PCMTD2: variants seen among roughly 807,000 people sequenced by gnomAD.
PCMTD2 encodes the protein protein-L-isoaspartate (D-aspartate) O-methyltransferase domain containing 2, also known as protein-L-isoaspartate O-methyltransferase domain-containing protein 2.
PCMTD2 carries 16 observed loss-of-function variants against 33.4 expected under a neutral mutation model. That is an observed-to-expected ratio of 0.48 (90% confidence interval 0.32 to 0.73). PCMTD2 has a LOEUF of 0.73. Ranked by LOEUF, PCMTD2 falls within the 30% of genes least tolerant of loss-of-function variation. PCMTD2 has a pLI of 0.03. For missense variants in PCMTD2, 374 were observed against 449.9 expected, an observed-to-expected ratio of 0.83 and a Z score of 1.53; for synonymous variants, 161 against 160.8, an observed-to-expected ratio of 1.00 and a Z score of -0.01.
chr20:64,265,341 G>T lies in PCMTD2; in HGVS notation c.494G>T (p.Cys165Phe), dbSNP rs775277085. ...TGTTCTCAGTATGATCGTGTATACT[G>T]TGGGGCTGGCGTGCAGAAAGAGCAT... The part of the protein sequence containing the change: ...PDCSQYDRVY[C>F]GAGVQKEHEE... The change falls in exon 4 of 6, where the codon TGT (cysteine) becomes TTT (phenylalanine). Residue 165 changes from cysteine to phenylalanine, a missense_variant. Coordinates refer to ENST00000308824, the MANE Select transcript of PCMTD2 (RefSeq NM_018257.3). 6.2e-7 allele frequency: 1 copy of T among 1,613,506 alleles called. No individual in the cohort carries two copies. Among genetic ancestry groups the T allele is most frequent in the South Asian group, 1.1e-5 (1 of 91,048 alleles).
chr20:64,269,570 T>C (rs1568736527), intron 5 of PCMTD2, among the ~76,000 whole-genome samples: 3 of 152,190 alleles, frequency 2.0e-5, no homozygotes, highest in Non-Finnish European at 4.4e-5. Context: ...AGTAAATTCA[T>C]GTTGGTAAAG....
intron 4 of PCMTD2, 35 bp downstream of exon 4, chr20:64,265,464 C>T (rs1329870248): frequency 6.5e-7 from 1 of 1,538,416 alleles, no homozygotes; most frequent in East Asian, 2.2e-5. Flanking sequence ...TTTCTGCACA[C>T]TGTGTGCCAA....
At chr20:64,260,523 G>A (rs1173761753) in intron 2 of PCMTD2, among the ~76,000 whole-genome samples, 3 of 152,126 alleles carry the variant, frequency 2.0e-5, no homozygotes. Context: ...TGCTGCCACA[G>A]CCTGTACTGC....
intron 5 of PCMTD2, among the ~76,000 whole-genome samples, chr20:64,270,116 G>T (rs1985843177): frequency 6.7e-6 from 1 of 149,384 alleles, no homozygotes; most frequent in African/African-American, 2.5e-5. Context: ...CACGGTATGG[G>T]GTCGTGTGAG....
Position 64,273,528 on chromosome 20 carries a change from A to G in PCMTD2, c.1014A>G (p.Leu338=), listed in dbSNP as rs542450173. The G allele has an allele frequency of 1.6e-5, 26 of 1,579,642 alleles. No homozygotes were observed. The South Asian group carries it at 2.4e-4, about 14-fold the overall frequency. Residue 338 remains leucine, a synonymous_variant, in exon 6 of 6, where the codon CTA becomes CTG. Transcript: ENST00000308824. ...AGCCAGACCCCCCAGTGAACTTCCT[A>G]CGCCAGAAGGTCCTGAGCCTCCCTC... ...ETKPDPPVNF[L]RQKVLSLPLP... is the part of the protein sequence containing the mutation.
Position 64,273,648 on chromosome 20 carries a change from G to A in PCMTD2, c.*48G>A, listed in dbSNP as rs755987895. The A allele has an allele frequency of 6.7e-7, 1 of 1,491,954 alleles. No individual in the cohort carries two copies. Among genetic ancestry groups the A allele is most frequent in the Non-Finnish European group, 8.9e-7 (1 of 1,118,190 alleles). The allele number at this position is 1,491,954 out of a possible 1,614,324, so 92.4% of individuals were successfully genotyped here. A position where few individuals can be genotyped will look rare whatever the true frequency, so the allele number is the denominator to read the frequency against. The stretch of plus-strand genomic sequence containing the variant: ...ATAGGAAGAGCAGATTGCTGAGTGT[G>A]AAGTTCGTGCTGCCTGTGTGCTGTT... On this transcript the variant is annotated 3_prime_UTR_variant, in exon 6 of 6. Transcript: ENST00000308824.
intron 4 of PCMTD2, among the ~76,000 whole-genome samples, chr20:64,266,500 G>A (rs972563088): frequency 2.0e-5 from 3 of 152,098 alleles, no homozygotes; most frequent in South Asian, 2.1e-4. Context: ...CTCATGATCC[G>A]CCCACCTCGG....
intron 2 of PCMTD2, among the ~76,000 whole-genome samples, chr20:64,261,256 C>G (rs1329969843): frequency 6.6e-6 from 1 of 152,120 alleles, no homozygotes; most frequent in African/African-American, 2.4e-5. Context: ...GTGATAGGAG[C>G]TGATCTGTAA....
chr20:64,260,762 G>A lies in PCMTD2; in HGVS notation c.307+490G>A, dbSNP rs143762094. Among the ~76,000 whole-genome samples the A allele has an allele frequency of 2.0e-3, 273 of 138,692 alleles. 2 individuals carry two copies. Among genetic ancestry groups the A allele is most frequent in the African/African-American group, 7.2e-3 (258 of 35,916 alleles). The allele number at this position is 138,692 out of a possible 152,430, so 91.0% of individuals were successfully genotyped here. A position where few individuals can be genotyped will look rare whatever the true frequency, so the allele number is the denominator to read the frequency against. On this transcript the variant is annotated intron_variant, in intron 2 of 5. Coordinates refer to ENST00000308824, the MANE Select transcript of PCMTD2 (RefSeq NM_018257.3). ...GCCCCATCGTCTAGGCTGGAGTGCCGTGACACGAGCAAGGCCCACTGTAGC... is the reference window on the plus strand; with the variant it reads ...GCCCCATCGTCTAGGCTGGAGTGCCATGACACGAGCAAGGCCCACTGTAGC...
chr20:64,273,575 A>G lies in PCMTD2; in HGVS notation c.1061A>G (p.Tyr354Cys), dbSNP rs1985999641. 1 of 1,524,788 alleles carries G rather than the reference A, an allele frequency of 6.6e-7. No individual in the cohort carries two copies. The highest frequency in any genetic ancestry group is 8.8e-7 in the Non-Finnish European group (1 of 1,140,296). The allele number at this position is 1,524,788 out of a possible 1,614,324, so 94.5% of individuals were successfully genotyped here. A position where few individuals can be genotyped will look rare whatever the true frequency, so the allele number is the denominator to read the frequency against. ...CCTCTGCCAGATCCCCTGAAATACT[A>G]CTTGCTTTATTACAGAGAAAAATAA... ...SLPLPDPLKYYLLYYREK is the reference protein window; with the variant it reads ...SLPLPDPLKYCLLYYREK Residue 354 changes from tyrosine to cysteine, a missense_variant, in exon 6 of 6, where the codon TAC becomes TGC. Tyr to Cys is a radical substitution (Grantham distance 194, BLOSUM62 -2). Coordinates refer to ENST00000308824, the MANE Select transcript of PCMTD2 (RefSeq NM_018257.3).
rs749688627 is a variant in PCMTD2, at chr20:64,265,311, C to T, written c.464C>T (p.Pro155Leu). The T allele has an allele frequency of 1.6e-5, 26 of 1,609,046 alleles. No homozygotes were observed. Among genetic ancestry groups the T allele is most frequent in the South Asian group, 6.6e-5 (6 of 90,442 alleles). Reference sequence around the variant, plus strand: ...ACTGGGAATTGCCTGGAGATTTCTCCGGATTGTTCTCAGTATGATCGTGTA... The same window carrying T: ...ACTGGGAATTGCCTGGAGATTTCTCTGGATTGTTCTCAGTATGATCGTGTA... ...FVTGNCLEIS[P>L]DCSQYDRVYC... Residue 155 changes from proline to leucine, a missense_variant, in exon 4 of 6, where the codon CCG (proline) becomes CTG (leucine). Pro to Leu is a moderately conservative substitution (Grantham distance 98). Transcript: ENST00000308824.
chr20:64,272,282 A>G (rs1985944320), intron 5 of PCMTD2: 1 of 328,358 alleles, frequency 3.0e-6, no homozygotes, highest in South Asian at 2.5e-5. Flanking sequence ...GCAGACTGTT[A>G]TTATTTGGAG....
chr20:64,262,127 A>C (rs1052356255), intron 2 of PCMTD2, among the ~76,000 whole-genome samples: 10 of 152,032 alleles, frequency 6.6e-5, no homozygotes, highest in Admixed American at 3.3e-4. Context: ...GGTGGTGCAC[A>C]CCTATAATCC....
rs1168506633 is a variant in PCMTD2 at position 64,273,590 on chromosome 20, G to A, written c.1076G>A (p.Arg359Lys). 1 of 1,517,200 alleles carries A rather than the reference G, an allele frequency of 6.6e-7. No homozygotes were observed. Among genetic ancestry groups the A allele is most frequent in the African/African-American group, 1.4e-5 (1 of 71,632 alleles). 94.0% of individuals were successfully genotyped at this position (1,517,200 alleles called of 1,614,324 possible). The change falls in exon 6 of 6, where the codon AGA becomes AAA. Residue 359 changes from arginine to lysine, a missense_variant. Transcript: ENST00000308824. ...CTGAAATACTACTTGCTTTATTACAGAGAAAAATAAGTCTCCTGTTTGAAA... is the reference window on the plus strand; with the variant it reads ...CTGAAATACTACTTGCTTTATTACAAAGAAAAATAAGTCTCCTGTTTGAAA... Reference protein sequence around the residue: ...DPLKYYLLYYREK With the variant: ...DPLKYYLLYYKEK
Position 64,255,884 on chromosome 20 carries a change from C to T in PCMTD2, c.-25+14C>T. On this transcript the variant is annotated intron_variant, in intron 1 of 5. Transcript: ENST00000308824. ...CCGAGCCTGGAGGTAGAGCCGCCGCCGCCGCCGCCGCCCCTCGGTCCGGCC... is the reference window on the plus strand; with the variant it reads ...CCGAGCCTGGAGGTAGAGCCGCCGCTGCCGCCGCCGCCCCTCGGTCCGGCC... 1 of 154,280 alleles carries T rather than the reference C, an allele frequency of 6.5e-6. No individual in the cohort carries two copies. The highest frequency in any genetic ancestry group is 1.9e-4 in the South Asian group (1 of 5,396). 9.6% of individuals were successfully genotyped at this position (154,280 alleles called of 1,614,324 possible).
chr20:64,266,387 A>G (rs183613553), intron 4 of PCMTD2, among the ~76,000 whole-genome samples: 420 of 152,162 alleles, frequency 2.8e-3, no homozygotes, highest in Middle Eastern at 0.014. Context: ...CCTCCTGAGT[A>G]GCTGGGATTA....
chr20:64,258,492 T>C (rs573775036), intron 1 of PCMTD2, among the ~76,000 whole-genome samples: 2 of 152,348 alleles, frequency 1.3e-5, no homozygotes, highest in East Asian at 3.9e-4. Context: ...ACCATAAAAA[T>C]AGAAGAGAAT....
At chr20:64,267,795 C>G in intron 4 of PCMTD2, 92 bp from the exon 5 acceptor site, 2 of 1,051,708 alleles carry the variant, frequency 1.9e-6, no homozygotes, top group Non-Finnish European at 2.8e-6. Context: ...GTAAGCATTT[C>G]TATGTATTTT....
chr20:64,273,328 A>G lies in PCMTD2; in HGVS notation c.814A>G (p.Lys272Glu), dbSNP rs1007995809. The G allele has an allele frequency of 6.2e-7, 1 of 1,614,088 alleles. No individual in the cohort carries two copies. Among genetic ancestry groups the G allele is most frequent in the African/African-American group, 1.3e-5 (1 of 74,942 alleles). Residue 272 changes from lysine to glutamate, a missense_variant, in exon 6 of 6, where the codon AAG becomes GAG. Lys to Glu is a moderately conservative substitution (Grantham distance 56, BLOSUM62 1). Transcript: ENST00000308824. ...TGTGAGCAAAAACGGAAACGGACTA[A>G]AGAACACCCCCAGGTTTAAACGAAG... ...ETVSKNGNGLKNTPRFKRRRV... is the reference protein window; with the variant it reads ...ETVSKNGNGLENTPRFKRRRV...
Sources: gnomAD v4.1 joint callset for allele counts (sites outside exome capture counted in the v4.1 genomes callset) on GRCh38, gnomAD v4.1.1 for gene constraint, MANE v1.5 for transcripts, NCBI Gene and HGNC (gene_info 2026-07-23, HGNC 2026-07-21) for gene names.